HLA-DRB5: variants seen among roughly 807,000 people sequenced by gnomAD.
HLA-DRB5 encodes major histocompatibility complex, class II, DR beta 5, also known as DR beta-5.
In HLA-DRB5, 11 loss-of-function variants were observed where a neutral mutation model predicts 22.4. The ratio of observed to expected loss-of-function variants is 0.49; its 90% CI spans 0.31 to 0.81. The LOEUF is 0.81. HLA-DRB5 is among the 40% of genes least tolerant of loss of function. The pLI is 0.05. For missense variants in HLA-DRB5, 106 were observed against 274.4 expected (o/e 0.39, Z 4.34); for synonymous variants, 57 against 106.0 (o/e 0.54, Z 2.84).
Position 32,529,106 on chromosome 6 carries a change from C to A in HLA-DRB5, c.100+1019G>T, listed in dbSNP as rs111365634. Among the ~76,000 whole-genome samples, 128 of 142,230 alleles carry A rather than the reference C, an allele frequency of 9.0e-4. 5 individuals carry two copies. In the East Asian group the frequency reaches 0.026, roughly 29 times the overall value. 93.3% of individuals were successfully genotyped at this position (142,230 alleles called of 152,430 possible). A position where few individuals can be genotyped will look rare whatever the true frequency, so the allele number is the denominator to read the frequency against. ...TAATTAAGGAAAGCTGAGGGCATGACGGGTGAACCTATGAAATTTAGGACA... is the reference window on the plus strand; with the variant it reads ...TAATTAAGGAAAGCTGAGGGCATGAAGGGTGAACCTATGAAATTTAGGACA... On this transcript the variant is annotated intron_variant, in intron 1 of 5. Transcript: ENST00000374975.
At chr6:32,518,893 TCAACATC>T (rs1182024916) in intron 3 of HLA-DRB5, among the ~76,000 whole-genome samples, 8 of 51,020 alleles carry the variant, frequency 1.6e-4, no homozygotes, top group Admixed American at 2.6e-4. Flanking sequence ...AGGCACGGCT[TCAACATC>T]TGATAAACAG....
chr6:32,525,390 G>A (rs1460971882), intron 1 of HLA-DRB5, among the ~76,000 whole-genome samples: 835 of 35,672 alleles, frequency 0.023, 102 homozygotes, highest in Middle Eastern at 0.06. Context: ...TTAATTTTTT[G>A]ATCCCTATAA....
intron 1 of HLA-DRB5, among the ~76,000 whole-genome samples, chr6:32,523,089 A>AC (rs1769149584): frequency 2.6e-5 from 1 of 38,166 alleles, no homozygotes; most frequent in Non-Finnish European, 5.4e-5. Flanking sequence ...TGGTGTTAGG[A>AC]TCTGAGATTT....
chr6:32,520,124 G>T (rs192007016), intron 2 of HLA-DRB5, among the ~76,000 whole-genome samples: 77 of 47,508 alleles, frequency 1.6e-3, no homozygotes, highest in Admixed American at 2.0e-3. Flanking sequence ...AACAATGACT[G>T]AAGATAGCCT....
intron 1 of HLA-DRB5, among the ~76,000 whole-genome samples, chr6:32,525,925 C>A (rs1230933681): frequency 2.6e-5 from 1 of 39,042 alleles, no homozygotes; most frequent in East Asian, 6.7e-4. Flanking sequence ...GGCTGTGTGA[C>A]CTCTTCATGA....
chr6:32,524,924 G>GC (rs1304989600), intron 1 of HLA-DRB5, among the ~76,000 whole-genome samples: 1 of 40,664 alleles, frequency 2.5e-5, no homozygotes, highest in South Asian at 5.5e-4. Flanking sequence ...GACAACCCTA[G>GC]CCAGACTTGC....
intron 2 of HLA-DRB5, among the ~76,000 whole-genome samples, chr6:32,520,244 A>T (rs1244848804): frequency 1.3e-3 from 58 of 43,956 alleles, no homozygotes; most frequent in Non-Finnish European, 1.8e-3. Context: ...GTTTGAGAGA[A>T]AAATATGATT....
intron 2 of HLA-DRB5, 96 bp downstream of exon 2, chr6:32,521,809 T>TCA (rs1364262282): frequency 7.3e-5 from 24 of 330,114 alleles, no homozygotes; most frequent in Non-Finnish European, 7.1e-5. Flanking sequence ...TTCCTCTCTC[T>TCA]CTCACACACA....
intron 2 of HLA-DRB5, among the ~76,000 whole-genome samples, chr6:32,519,968 C>G (rs151163549): frequency 0.034 from 2,064 of 60,466 alleles, 25 homozygotes; most frequent in Middle Eastern, 0.046. Flanking sequence ...TTGCCTGGCT[C>G]AAATCCAAGG....
chr6:32,518,754 G>A (rs770637761), intron 3 of HLA-DRB5, 88 bp from the exon 4 acceptor site: 23,982 of 328,954 alleles, frequency 0.073, 3 homozygotes, highest in Admixed American at 0.13. Context: ...TTTGAAAATG[G>A]GGAAGAAGGC....
chr6:32,518,114 A>G lies in HLA-DRB5; in HGVS notation c.764-37T>C, dbSNP rs1768339279. The G allele has an allele frequency of 4.9e-6, 2 of 409,686 alleles. 1 individual carries two copies. The highest frequency in any genetic ancestry group is 6.9e-6 in the Non-Finnish European group (2 of 291,948). The allele number at this position is 409,686 out of a possible 1,614,324, so 25.4% of individuals were successfully genotyped here. A position where few individuals can be genotyped will look rare whatever the true frequency, so the allele number is the denominator to read the frequency against. On this transcript the variant is annotated intron_variant, in intron 4 of 5. Transcript: ENST00000374975. ...AGGAAAAGATATACACTTAAAAGGT[A>G]TGGAAGCAAATCTATTCTCCCAACA... is the stretch of plus-strand genomic sequence containing the variant.
At chr6:32,525,442 A>C (rs1280018256) in intron 1 of HLA-DRB5, among the ~76,000 whole-genome samples, 5,798 of 58,252 alleles carry the variant, frequency 0.1, 95 homozygotes, top group Admixed American at 0.16. Flanking sequence ...ATTCTAAAGC[A>C]ATTAGTATCT....
Position 32,520,693 on chromosome 6 carries a change from A to G in HLA-DRB5, c.371-1042T>C, listed in dbSNP as rs1467874903. Among the ~76,000 whole-genome samples, 21 of 111,914 alleles carry G rather than the reference A, an allele frequency of 1.9e-4. 6 individuals are homozygous for G. The highest frequency in any genetic ancestry group is 3.1e-4 in the Non-Finnish European group (17 of 54,666). 73.4% of individuals were successfully genotyped at this position (111,914 alleles called of 152,430 possible). On this transcript the variant is annotated intron_variant, in intron 2 of 5. Transcript: ENST00000374975. Reference sequence around the variant, plus strand: ...ATAAATACATTTTTTTTAAGAAGGAAGGAGAAACCTGGAGACAAAAATACC... The same window carrying G: ...ATAAATACATTTTTTTTAAGAAGGAGGGAGAAACCTGGAGACAAAAATACC...
At chr6:32,522,816 T>C (rs112438042) in intron 1 of HLA-DRB5, among the ~76,000 whole-genome samples, 6,399 of 34,472 alleles carry the variant, frequency 0.19, 2,569 homozygotes, top group Middle Eastern at 0.38. Flanking sequence ...GAGGAGGACC[T>C]TCTGAAGGGT....
At chr6:32,523,035 A>C (rs73405198) in intron 1 of HLA-DRB5, among the ~76,000 whole-genome samples, 40,649 of 109,096 alleles carry the variant, frequency 0.37, 9,816 homozygotes, top group African/African-American at 0.44. Context: ...AAAAGATTAG[A>C]CTGGAGACAT....
chr6:32,522,380 C>CTA (rs1209164215), intron 1 of HLA-DRB5, among the ~76,000 whole-genome samples: 149 of 29,404 alleles, frequency 5.1e-3, no homozygotes, highest in Admixed American at 0.011. Flanking sequence ...GCAGGAAAAC[C>CTA]CCTTCTGATC....
At chr6:32,529,312 A>ACAT (rs1770036779) in intron 1 of HLA-DRB5, among the ~76,000 whole-genome samples, 6 of 64,532 alleles carry the variant, frequency 9.3e-5, no homozygotes, top group South Asian at 4.6e-4. Flanking sequence ...AATTTGTCCT[A>ACAT]TGTTAGTTGA....
intron 1 of HLA-DRB5, among the ~76,000 whole-genome samples, chr6:32,523,745 TGC>T (rs200741478): frequency 0.38 from 35,059 of 91,418 alleles, 5,210 homozygotes; most frequent in African/African-American, 0.44. Context: ...TGTCTACTTT[TGC>T]ATAATGAAGC....
At chr6:32,524,434 C>G (rs1312819862) in intron 1 of HLA-DRB5, among the ~76,000 whole-genome samples, 1 of 123,112 alleles carries the variant, frequency 8.1e-6, no homozygotes, top group Non-Finnish European at 1.7e-5. Flanking sequence ...CTTTCAGTCT[C>G]CCACTCCCAA....
Sources: allele counts gnomAD v4.1 joint callset (sites outside exome capture counted in the v4.1 genomes callset), GRCh38; gene constraint gnomAD v4.1.1; transcripts MANE v1.5; gene names NCBI Gene and HGNC (gene_info 2026-07-23, HGNC 2026-07-21).